The following TG variants were observed in gnomAD, a reference collection of about 807,000 sequenced individuals.
The protein encoded by TG is thyroid hormones.
TG carries 270 observed loss-of-function variants against 324.7 expected under a neutral mutation model. The observed-to-expected ratio is 0.83, with a 90% confidence interval of 0.75 to 0.92. The LOEUF (loss-of-function observed/expected upper bound fraction) is 0.92, where lower values mean the gene tolerates loss of function less well. Ranked by LOEUF, TG falls within the 40% of genes least tolerant of loss-of-function variation. The pLI, the probability that TG is intolerant of heterozygous loss-of-function variation, is 0.00. For missense variants in TG, 3,591 were observed against 3,456.4 expected (o/e 1.04, Z -0.98); for synonymous variants, 1,401 against 1,327.0 (o/e 1.06, Z -1.21).
At chr8:132,909,813 GA>G (rs1180000537) in intron 18 of TG, among the ~76,000 whole-genome samples, 2 of 152,212 alleles carry the variant, frequency 1.3e-5, no homozygotes, top group Non-Finnish European at 2.9e-5. Context: ...ATCCTCTGCT[GA>G]GAGCTAAGGA....
intron 36 of TG, 81 bp from the exon 37 acceptor site, chr8:133,013,519 T>G (rs1352809072): frequency 1.3e-6 from 2 of 1,557,378 alleles, no homozygotes; most frequent in Non-Finnish European, 8.8e-7. Flanking sequence ...GAGTGGATGG[T>G]TGGATGGATG....
chr8:133,021,960 C>T (rs776675090), intron 39 of TG, 31 bp from the exon 40 acceptor site: 17 of 1,614,032 alleles, frequency 1.1e-5, no homozygotes, highest in Non-Finnish European at 1.3e-5. Flanking sequence ...CCTCCCCACA[C>T]TTTAGCCTCA....
chr8:133,103,093 C>T (rs1426503925), intron 43 of TG: 2 of 161,552 alleles, frequency 1.2e-5, no homozygotes, highest in African/African-American at 2.4e-5. Context: ...AAATCCCCAG[C>T]ACTCAGGGAC....
chr8:132,931,024 G>A (rs556562339), intron 23 of TG, among the ~76,000 whole-genome samples: 3 of 152,190 alleles, frequency 2.0e-5, no homozygotes, highest in Non-Finnish European at 4.4e-5. Context: ...ACAAAATACC[G>A]TAGACTGGGG....
chr8:132,974,216 A>T (rs1244274273), intron 34 of TG, among the ~76,000 whole-genome samples: 1 of 150,372 alleles, frequency 6.7e-6, no homozygotes, highest in Non-Finnish European at 1.5e-5. Context: ...GTGGCCTTGA[A>T]CTCCTGACCT....
rs576025179 is a variant in TG, at chr8:133,074,122, G to A, written c.7240-20922G>A. On this transcript the variant is annotated intron_variant, in intron 41 of 47. Transcript: ENST00000220616. ...GTGCCATATTTCTTAGAAAATTCCCGTTGTCCTAAATCTCTTCCAACTCTA... is the reference window on the plus strand; with the variant it reads ...GTGCCATATTTCTTAGAAAATTCCCATTGTCCTAAATCTCTTCCAACTCTA... 1.1e-4 allele frequency among the ~76,000 whole-genome samples: 16 copies of A among 152,174 alleles called. No individual in the cohort carries two copies. The South Asian group carries it at 1.2e-3, about 12-fold the overall frequency.
chr8:132,868,009 G>A (rs1839127601), intron 1 of TG, 106 bp from the exon 2 acceptor site: 2 of 982,992 alleles, frequency 2.0e-6, no homozygotes, highest in African/African-American at 1.6e-5. Flanking sequence ...GGCTGTCATA[G>A]GTAATGATGA....
intron 35 of TG, 96 bp from the exon 36 acceptor site, chr8:133,011,805 C>T: frequency 2.6e-6 from 4 of 1,556,380 alleles, no homozygotes; most frequent in Non-Finnish European, 3.5e-6. Flanking sequence ...GAGGATGCCC[C>T]TAAGGCTGCC....
rs111648223 is a variant in TG, at chr8:132,967,225, T to TC, written c.5686+530dup. On this transcript the variant is annotated intron_variant, in intron 30 of 47. Transcript: ENST00000220616. ...ATCCAACCATCCATCCATCCATCCA[T>TC]CCATCCATCCATCCATCCATCCATC... 5.0e-5 allele frequency among the ~76,000 whole-genome samples: 4 copies of TC among 79,260 alleles called. No homozygotes were observed. In the East Asian group the frequency reaches 2.8e-3, roughly 56 times the overall value. The allele number at this position is 79,260 out of a possible 152,430, so 52.0% of individuals were successfully genotyped here.
chr8:132,911,322 C>G (rs1020614349), intron 18 of TG, 55 bp from the exon 19 acceptor site: 11 of 1,613,872 alleles, frequency 6.8e-6, no homozygotes, highest in Admixed American at 1.7e-5. Flanking sequence ...GTGGACCCAA[C>G]AAAACTAGCT....
intron 32 of TG, among the ~76,000 whole-genome samples, chr8:132,970,639 G>GATTC (rs1263820762): frequency 3.3e-5 from 5 of 152,162 alleles, no homozygotes; most frequent in Non-Finnish European, 7.3e-5. Context: ...TCTGTCTTGA[G>GATTC]ATTCAGCTGG....
chr8:133,055,364 C>T (rs112391798), intron 41 of TG, among the ~76,000 whole-genome samples: 4 of 12,300 alleles, frequency 3.3e-4, no homozygotes, highest in Admixed American at 1.9e-3. Context: ...CACGCACGCG[C>T]GCACACACAC....
At chr8:133,030,185 C>T (rs1011037904) in intron 41 of TG, among the ~76,000 whole-genome samples, 162 bp downstream of exon 41, 4 of 152,192 alleles carry the variant, frequency 2.6e-5, no homozygotes, top group East Asian at 3.9e-4. Context: ...TGTGTGATTC[C>T]ACAATGCTGA....
intron 44 of TG, 98 bp downstream of exon 44, chr8:133,113,701 C>A: frequency 7.2e-7 from 1 of 1,395,238 alleles, no homozygotes. Flanking sequence ...AGGCACGTGG[C>A]TTTGTGCTTG....
chr8:133,104,031 G>A (rs1849573014), intron 43 of TG, among the ~76,000 whole-genome samples: 1 of 152,226 alleles, frequency 6.6e-6, no homozygotes, highest in African/African-American at 2.4e-5. Context: ...AGGCTTTTCG[G>A]AGGAGGTGAC....
At chr8:133,112,514 A>G (rs527286605) in intron 43 of TG, among the ~76,000 whole-genome samples, 3 of 151,778 alleles carry the variant, frequency 2.0e-5, no homozygotes, top group African/African-American at 7.2e-5. Context: ...CAAGGAAGGA[A>G]CAGAGAGAGG....
At position 132,871,431 on chromosome 8, in the gene TG, T is replaced by A; in HGVS notation, c.358T>A (p.Cys120Ser). The stretch of plus-strand genomic sequence containing the variant: ...CACAGACACCTCCTACCTCCCTCAG[T>A]GTCAGGATTCAGGGGACTACGCGCC... Reference protein sequence around the residue: ...NSTDTSYLPQCQDSGDYAPVQ... With the variant: ...NSTDTSYLPQSQDSGDYAPVQ... Residue 120 changes from cysteine (C) to serine (S), a missense_variant, in exon 4 of 48, where the codon TGT becomes AGT. Cys to Ser is a moderately radical substitution (Grantham distance 112). Coordinates refer to ENST00000220616, the MANE Select transcript of TG (RefSeq NM_003235.5). 1 of 1,614,148 alleles carries A rather than the reference T, an allele frequency of 6.2e-7. No individual in the cohort carries two copies. Among genetic ancestry groups the A allele is most frequent in the Non-Finnish European group, 8.5e-7 (1 of 1,180,016 alleles).
At chr8:133,056,034 C>A (rs1409764766) in intron 41 of TG, among the ~76,000 whole-genome samples, 20 of 152,196 alleles carry the variant, frequency 1.3e-4, no homozygotes, top group Non-Finnish European at 8.8e-5. Flanking sequence ...CAAGAGCACA[C>A]ACCTAGGAAG....
intron 41 of TG, among the ~76,000 whole-genome samples, chr8:133,041,185 G>A (rs546031268): frequency 2.0e-5 from 3 of 152,318 alleles, no homozygotes; most frequent in African/African-American, 4.8e-5. Context: ...ACTGGCCTCC[G>A]GCAGGGCTAA....
Sources: allele counts gnomAD v4.1 joint callset (sites outside exome capture counted in the v4.1 genomes callset), GRCh38; gene constraint gnomAD v4.1.1; transcripts MANE v1.5; gene names NCBI Gene and HGNC (gene_info 2026-07-23, HGNC 2026-07-21).